SUSD1: variants seen among roughly 807,000 people sequenced by gnomAD.
The protein encoded by SUSD1 is sushi domain-containing protein 1.
A neutral mutation model predicts 86.9 loss-of-function variants in SUSD1; 65 were observed. That is an observed-to-expected ratio of 0.75 (90% CI 0.61 to 0.92). The LOEUF (loss-of-function observed/expected upper bound fraction) is 0.92, where lower values mean the gene tolerates loss of function less well. SUSD1 is among the 40% of genes least tolerant of loss of function. The pLI, the probability that SUSD1 is intolerant of heterozygous loss-of-function variation, is 0.00. For synonymous variants in SUSD1, 346 were observed against 350.0 expected, an observed-to-expected ratio of 0.99 and a Z score of 0.13; for missense variants, 850 against 929.7, an observed-to-expected ratio of 0.91 and a Z score of 1.11.
At chr9:112,095,268 A>G (rs1398376656) in intron 10 of SUSD1, among the ~76,000 whole-genome samples, 1 of 152,192 alleles carries the variant, frequency 6.6e-6, no homozygotes, top group Non-Finnish European at 1.5e-5. Flanking sequence ...AGACCTAGCA[A>G]AAGGTATGAG....
chr9:112,077,694 G>A lies in SUSD1; in HGVS notation c.1753+844C>T, dbSNP rs536972211. On this transcript the variant is annotated intron_variant, in intron 12 of 16. Coordinates refer to ENST00000374270, the MANE Select transcript of SUSD1 (RefSeq NM_022486.5). ...TAATTTTTGTATTCTTAGTAGAGGTGGGGTTTCACCACGTCAGCCAGGCTG... is the reference window on the plus strand; with the variant it reads ...TAATTTTTGTATTCTTAGTAGAGGTAGGGTTTCACCACGTCAGCCAGGCTG... 3.8e-4 allele frequency among the ~76,000 whole-genome samples: 57 copies of A among 151,478 alleles called. 1 individual carries two copies. In the Middle Eastern group the frequency reaches 0.01, roughly 27 times the overall value.
At chr9:112,149,058 C>T (rs1228939862) in intron 3 of SUSD1, among the ~76,000 whole-genome samples, 186 bp downstream of exon 3, 1 of 152,100 alleles carries the variant, frequency 6.6e-6, no homozygotes, top group African/African-American at 2.4e-5. Context: ...ATTATAGATA[C>T]ATCATCATAA....
intron 10 of SUSD1, among the ~76,000 whole-genome samples, chr9:112,082,892 T>C (rs1032828435): frequency 1.3e-5 from 2 of 151,898 alleles, no homozygotes; most frequent in African/African-American, 4.8e-5. Context: ...TTATTTTTTA[T>C]TTATTTTAAT....
intron 2 of SUSD1, 74 bp downstream of exon 2, chr9:112,157,426 C>G (rs1037305697): frequency 1.0e-6 from 1 of 996,070 alleles, no homozygotes; most frequent in African/African-American, 1.6e-5. Flanking sequence ...TCCCCAAGGA[C>G]ATCAACTCTT....
At chr9:112,159,195 T>C (rs571496330) in intron 1 of SUSD1, among the ~76,000 whole-genome samples, 2 of 152,312 alleles carry the variant, frequency 1.3e-5, no homozygotes, top group East Asian at 1.9e-4. Flanking sequence ...CCCAAGGCTA[T>C]GTGGTATACT....
At chr9:112,093,382 G>A (rs555663089) in intron 10 of SUSD1, among the ~76,000 whole-genome samples, 3 of 152,110 alleles carry the variant, frequency 2.0e-5, no homozygotes, top group South Asian at 4.1e-4. Flanking sequence ...GGGTATCTCC[G>A]GTCTCCAAGA....
At chr9:112,128,069 C>T (rs12377268) in intron 5 of SUSD1, among the ~76,000 whole-genome samples, 1 of 151,440 alleles carries the variant, frequency 6.6e-6, no homozygotes, top group African/African-American at 2.4e-5. Context: ...TTCAAAAAAA[C>T]TTTTTTTGTT....
At chr9:112,099,909 C>T (rs531916267) in intron 9 of SUSD1, among the ~76,000 whole-genome samples, 17 of 152,266 alleles carry the variant, frequency 1.1e-4, no homozygotes, top group Non-Finnish European at 2.4e-4. Context: ...CAAATGTTGG[C>T]CTCAGAGTTC....
At chr9:112,075,643 G>A (rs927585605) in intron 12 of SUSD1, among the ~76,000 whole-genome samples, 2 of 152,210 alleles carry the variant, frequency 1.3e-5, no homozygotes, top group East Asian at 1.9e-4. Flanking sequence ...TACTCAGCAG[G>A]CTGAGGCAGA....
intron 11 of SUSD1, 83 bp from the exon 12 acceptor site, chr9:112,078,807 T>TTA: frequency 2.9e-5 from 34 of 1,176,568 alleles, no homozygotes; most frequent in Middle Eastern, 2.9e-4. Flanking sequence ...TCCTTTTTCT[T>TTA]TCTCTTTTTT....
At chr9:112,128,940 T>C (rs111568423) in intron 5 of SUSD1, among the ~76,000 whole-genome samples, 2 of 152,042 alleles carry the variant, frequency 1.3e-5, no homozygotes, top group African/African-American at 4.8e-5. Flanking sequence ...AAATCTTGGG[T>C]TTTATTTTAA....
At chr9:112,140,957 T>C (rs1200931884) in intron 5 of SUSD1, among the ~76,000 whole-genome samples, 11 of 152,106 alleles carry the variant, frequency 7.2e-5, no homozygotes, top group Non-Finnish European at 1.6e-4. Context: ...TATCTAAATA[T>C]AGAAATGATA....
chr9:112,042,251 C>T (rs953179732), intron 15 of SUSD1: 12 of 1,194,346 alleles, frequency 1.0e-5, no homozygotes, highest in East Asian at 2.6e-5. Flanking sequence ...TACTATGCAA[C>T]GTGTTACATT....
At chr9:112,120,661 TGGAGCC>T (rs1237059046) in intron 6 of SUSD1, among the ~76,000 whole-genome samples, 2 of 152,246 alleles carry the variant, frequency 1.3e-5, no homozygotes, top group South Asian at 4.1e-4. Flanking sequence ...CAGCTGCAGC[TGGAGCC>T]ACAGACTTTG....
At chr9:112,154,579 A>G (rs1384534205) in intron 2 of SUSD1, among the ~76,000 whole-genome samples, 2 of 152,150 alleles carry the variant, frequency 1.3e-5, no homozygotes, top group Non-Finnish European at 2.9e-5. Flanking sequence ...AGAGAGACAG[A>G]GCAGACTCTC....
At chr9:112,164,097 A>T (rs1833682455) in intron 1 of SUSD1, among the ~76,000 whole-genome samples, 1 of 152,222 alleles carries the variant, frequency 6.6e-6, no homozygotes. Flanking sequence ...AAACATAAAA[A>T]ATATGAAGAA....
intron 5 of SUSD1, among the ~76,000 whole-genome samples, chr9:112,139,871 AT>A (rs988156187): frequency 2.6e-5 from 4 of 152,032 alleles, no homozygotes; most frequent in African/African-American, 7.2e-5. Flanking sequence ...AATTAAAAAA[AT>A]TTTTTTTCAC....
rs149700493 is a variant in SUSD1, at chr9:112,144,308, G to A, written c.374-685C>T. ...CTATAAATATATCCAATCACTAAAA[G>A]AATCCAGTCACTATAAATATATCCA... On this transcript the variant is annotated intron_variant, in intron 3 of 16. Transcript: ENST00000374270. Among the ~76,000 whole-genome samples the A allele has an allele frequency of 5.2e-3, 772 of 149,674 alleles. 10 individuals are homozygous for A. The highest frequency in any genetic ancestry group is 0.018 in the African/African-American group (746 of 40,850).
At chr9:112,051,755 T>C (rs1263736102) in intron 15 of SUSD1, among the ~76,000 whole-genome samples, 1 of 152,172 alleles carries the variant, frequency 6.6e-6, no homozygotes, top group East Asian at 1.9e-4. Flanking sequence ...CACAGCCGAA[T>C]GGTAGTGGAC....
Sources: allele counts gnomAD v4.1 joint callset (sites outside exome capture counted in the v4.1 genomes callset), GRCh38; gene constraint gnomAD v4.1.1; transcripts MANE v1.5; gene names NCBI Gene and HGNC (gene_info 2026-07-23, HGNC 2026-07-21).